Variants in PGBD5 observed in about 807,000 individuals in gnomAD.
PGBD5 encodes the protein piggyBac transposable element derived 5, also known as piggyBac transposable element-derived protein 5.
A neutral mutation model predicts 47.9 loss-of-function variants in PGBD5; 14 were observed. The ratio of observed to expected loss-of-function variants is 0.29; its 90% CI spans 0.19 to 0.46. The LOEUF (loss-of-function observed/expected upper bound fraction) is 0.46. Among genes scored for constraint, PGBD5 ranks in the 20% least tolerant of loss-of-function variants. The probability of loss-of-function intolerance (pLI) is 1.00; values close to 1 mark genes in which losing one functional copy is unlikely to be tolerated. For synonymous variants in PGBD5, 316 were observed against 306.3 expected (o/e 1.03, Z -0.33); for missense variants, 635 against 716.0 (o/e 0.89, Z 1.29).
At chr1:230,370,821 C>A (rs58114353) in intron 1 of PGBD5, among the ~76,000 whole-genome samples, 1 of 152,210 alleles carries the variant, frequency 6.6e-6, no homozygotes, top group Non-Finnish European at 1.5e-5. Flanking sequence ...GGAAATGGCA[C>A]GGAAAGCCAA....
In PGBD5 at chr1:230,315,728, A is replaced by AT. The variant is rs1666925199; in HGVS notation, c.*7696_*7697insA. 1 of 151,000 alleles carries AT rather than the reference A, an allele frequency of 6.6e-6. No homozygotes were observed. Among genetic ancestry groups the AT allele is most frequent in the Admixed American group, 6.6e-5 (1 of 15,174 alleles). 9.4% of individuals were successfully genotyped at this position (151,000 alleles called of 1,614,324 possible). A position where few individuals can be genotyped will look rare whatever the true frequency, so the allele number is the denominator to read the frequency against. On this transcript the variant is annotated 3_prime_UTR_variant, in exon 7 of 7. Coordinates refer to ENST00000391860, the MANE Select transcript of PGBD5 (RefSeq NM_001258311.2). ...TACACACAAGATAGATATATATATTAAGTGGACACTGTATGTGTATATATA... is the reference window on the plus strand; with the variant it reads ...TACACACAAGATAGATATATATATTATAGTGGACACTGTATGTGTATATATA...
chr1:230,365,791 G>A (rs1400378049), intron 1 of PGBD5, among the ~76,000 whole-genome samples: 1 of 152,254 alleles, frequency 6.6e-6, no homozygotes, highest in African/African-American at 2.4e-5. Context: ...CCACCTCTAT[G>A]TGGAGTAGCA....
intron 1 of PGBD5, among the ~76,000 whole-genome samples, chr1:230,383,138 C>T (rs1656552583): frequency 1.3e-5 from 2 of 152,086 alleles, no homozygotes; most frequent in South Asian, 2.1e-4. Context: ...GGAGCAACCA[C>T]GGCTCACTGT....
intron 1 of PGBD5, among the ~76,000 whole-genome samples, chr1:230,414,269 T>C (rs1436168301): frequency 6.6e-6 from 1 of 152,164 alleles, no homozygotes; most frequent in Admixed American, 6.5e-5. Flanking sequence ...TCTGTGCACA[T>C]CGCAATGCCT....
At chr1:230,327,777 C>T (rs1008840509) in intron 5 of PGBD5, among the ~76,000 whole-genome samples, 5 of 152,262 alleles carry the variant, frequency 3.3e-5, no homozygotes, top group African/African-American at 9.6e-5. Context: ...CTCTCTCCAA[C>T]GCCCCTCCTG....
At chr1:230,394,457 TCCC>T (rs1415322000) in intron 1 of PGBD5, among the ~76,000 whole-genome samples, 1 of 74,606 alleles carries the variant, frequency 1.3e-5, no homozygotes, top group African/African-American at 6.2e-5. Flanking sequence ...GTGCTGCTCC[TCCC>T]CCTAGTTGGC....
chr1:230,364,209 T>C (rs1048207498), intron 1 of PGBD5, among the ~76,000 whole-genome samples: 5 of 152,264 alleles, frequency 3.3e-5, no homozygotes, highest in African/African-American at 1.2e-4. Context: ...GGTTGAGTCC[T>C]GGCTCACTTC....
At chr1:230,333,115 C>T in intron 4 of PGBD5, 74 bp from the exon 5 acceptor site, 1 of 1,478,904 alleles carries the variant, frequency 6.8e-7, no homozygotes, top group Non-Finnish European at 9.1e-7. Context: ...CCCTGGGCAC[C>T]CCCAAGGAAA....
chr1:230,379,393 C>CAGGATCTCTTCAGGCTG (rs1234607704), intron 1 of PGBD5, among the ~76,000 whole-genome samples: 1 of 152,228 alleles, frequency 6.6e-6, no homozygotes, highest in Admixed American at 6.5e-5. Context: ...CAGGTCCCCT[C>CAGGATCTCTTCAGGCTG]AGGATCTCTT....
intron 6 of PGBD5, 129 bp downstream of exon 6, chr1:230,325,181 T>C: frequency 2.8e-6 from 2 of 725,230 alleles, no homozygotes; most frequent in Non-Finnish European, 4.6e-6. Flanking sequence ...GAGGGCAGGA[T>C]CTTACCTCCC....
Position 230,357,403 on chromosome 1 carries a change from C to A in PGBD5, c.332-82G>T. 1 of 1,455,714 alleles carries A rather than the reference C, an allele frequency of 6.9e-7. No individual in the cohort carries two copies. Among genetic ancestry groups the A allele is most frequent in the Non-Finnish European group, 9.3e-7 (1 of 1,070,790 alleles). The allele number at this position is 1,455,714 out of a possible 1,614,324, so 90.2% of individuals were successfully genotyped here. Reference sequence around the variant, plus strand: ...ACACGAGAACGGCTGCATTTCCAATCCCTGGGTCCCTGGCCGAGTGCCCCC... The same window carrying A: ...ACACGAGAACGGCTGCATTTCCAATACCTGGGTCCCTGGCCGAGTGCCCCC... On this transcript the variant is annotated intron_variant, in intron 1 of 6. Transcript: ENST00000391860. The surrounding 1 kb of genome is among the most constrained non-coding windows in gnomAD (Gnocchi z 5.7).
intron 1 of PGBD5, among the ~76,000 whole-genome samples, chr1:230,405,038 CA>C: frequency 7.4e-6 from 1 of 134,840 alleles, no homozygotes; most frequent in East Asian, 2.2e-4. Flanking sequence ...ACTAAAAATA[CA>C]AAAAAATTAG....
At position 230,318,008 on chromosome 1, in the gene PGBD5, A is replaced by T. The variant is rs368747504; in HGVS notation, c.*5417T>A. The T allele has an allele frequency of 5.6e-4, 85 of 152,114 alleles. No individual in the cohort carries two copies. The South Asian group carries it at 0.016, about 29-fold the overall frequency. The allele number at this position is 152,114 out of a possible 1,614,324, so 9.4% of individuals were successfully genotyped here. A position where few individuals can be genotyped will look rare whatever the true frequency, so the allele number is the denominator to read the frequency against. On this transcript the variant is annotated 3_prime_UTR_variant, in exon 7 of 7. Transcript: ENST00000391860. The stretch of plus-strand genomic sequence containing the variant: ...TTCACACAGAGCTGCCACCAGCGCC[A>T]GCACCACCGCCCTACACTCAAGAGA...
At chr1:230,397,673 C>T (rs1267963335) in intron 1 of PGBD5, among the ~76,000 whole-genome samples, 1 of 152,206 alleles carries the variant, frequency 6.6e-6, no homozygotes, top group African/African-American at 2.4e-5. Flanking sequence ...CCTGGGCATA[C>T]ACAGAGGCAA....
chr1:230,316,998 T>C lies in PGBD5; in HGVS notation c.*6427A>G, dbSNP rs1558187166. ...TCTTGAGGAGGCTCAGACTCTTGTG[T>C]TTGCAGGGATGTGCTAAGCCAGGTG... On this transcript the variant is annotated 3_prime_UTR_variant, in exon 7 of 7. Transcript: ENST00000391860. 6.6e-6 allele frequency: 1 copy of C among 152,130 alleles called. No homozygotes were observed. Among genetic ancestry groups the C allele is most frequent in the Admixed American group, 6.5e-5 (1 of 15,270 alleles). 9.4% of individuals were successfully genotyped at this position (152,130 alleles called of 1,614,324 possible).
At chr1:230,355,148 T>A (rs1244600521) in intron 2 of PGBD5, among the ~76,000 whole-genome samples, 1 of 152,164 alleles carries the variant, frequency 6.6e-6, no homozygotes, top group East Asian at 1.9e-4. Flanking sequence ...ATCTGAGCCA[T>A]GTGCTAAGGA....
chr1:230,351,142 G>A (rs777977689), intron 2 of PGBD5, 50 bp from the exon 3 acceptor site: 11 of 1,566,754 alleles, frequency 7.0e-6, no homozygotes, highest in Non-Finnish European at 8.6e-6. Flanking sequence ...GCATGAGCTT[G>A]AGGGCTCATC....
intron 1 of PGBD5, among the ~76,000 whole-genome samples, chr1:230,420,797 A>C (rs1657629223): frequency 6.6e-6 from 1 of 152,194 alleles, no homozygotes; most frequent in Non-Finnish European, 1.5e-5. Flanking sequence ...ATGGAGTAAT[A>C]CAATTTTTAT....
chr1:230,377,432 C>T, intron 1 of PGBD5: 1 of 1,518,248 alleles, frequency 6.6e-7, no homozygotes, highest in Admixed American at 1.8e-5. Context: ...GATGAAGATG[C>T]CAATAACACA....
Sources: allele counts gnomAD v4.1 joint callset (sites outside exome capture counted in the v4.1 genomes callset), GRCh38; gene constraint gnomAD v4.1.1; non-coding constraint Gnocchi (gnomAD v3.1); transcripts MANE v1.5; gene names NCBI Gene and HGNC (gene_info 2026-07-23, HGNC 2026-07-21).